ADHFE1: variants seen among roughly 807,000 people sequenced by gnomAD.
The protein encoded by ADHFE1 is hydroxyacid-oxoacid transhydrogenase, mitochondrial.
A neutral mutation model predicts 54.8 loss-of-function variants in ADHFE1; 37 were observed. The ratio of observed to expected loss-of-function variants is 0.68; its 90% CI spans 0.52 to 0.89. The LOEUF (loss-of-function observed/expected upper bound fraction) is 0.89. Ranked by LOEUF, ADHFE1 falls within the 40% of genes least tolerant of loss-of-function variation. ADHFE1 has a pLI of 0.00. For missense variants in ADHFE1, 601 were observed against 591.2 expected (o/e 1.02, Z -0.17); for synonymous variants, 203 against 229.3 (o/e 0.89, Z 1.04).
chr8:66,442,478 T>C (rs2555563), intron 2 of ADHFE1, among the ~76,000 whole-genome samples: 24,894 of 151,662 alleles, frequency 0.16, 2,202 homozygotes, highest in Middle Eastern at 0.2. Flanking sequence ...ACCTGGCTAA[T>C]TTTTTTGTAT....
chr8:66,444,463 C>CA, intron 4 of ADHFE1, 43 bp downstream of exon 4: 1 of 1,609,610 alleles, frequency 6.2e-7, no homozygotes, highest in Non-Finnish European at 8.5e-7. Flanking sequence ...GTAAATGTTA[C>CA]ATATCTCACA....
At chr8:66,450,436 A>G (rs934498877) in intron 8 of ADHFE1, among the ~76,000 whole-genome samples, 1 of 152,238 alleles carries the variant, frequency 6.6e-6, no homozygotes, top group East Asian at 1.9e-4. Flanking sequence ...GAATCTGCCC[A>G]TAAGGCCCAG....
At chr8:66,445,100 C>CAAAA in intron 5 of ADHFE1, 118 bp from the exon 6 acceptor site, 1 of 866,020 alleles carries the variant, frequency 1.2e-6, no homozygotes, top group Non-Finnish European at 1.6e-6. Flanking sequence ...GACTCCGTCT[C>CAAAA]AAAAAAAAAA....
At chr8:66,438,946 G>A (rs1180342963) in intron 1 of ADHFE1, among the ~76,000 whole-genome samples, 7 of 151,900 alleles carry the variant, frequency 4.6e-5, no homozygotes, top group African/African-American at 1.7e-4. Flanking sequence ...TTTGAGTTTG[G>A]ATTTTTTTTT....
At chr8:66,445,830 C>T (rs775846104) in intron 6 of ADHFE1, among the ~76,000 whole-genome samples, 1 of 152,182 alleles carries the variant, frequency 6.6e-6, no homozygotes, top group Non-Finnish European at 1.5e-5. Context: ...CATAATGGCT[C>T]TTCAGCTGAC....
In ADHFE1 at chr8:66,432,530, C is replaced by T. The variant is rs139418895; in HGVS notation, c.14C>T (p.Ala5Val). ...ACTCCAAGCGCCATGGCCGCTGCCGCCCGAGCCCGGGTCGCGTACTTGCTG... is the reference window on the plus strand; with the variant it reads ...ACTCCAAGCGCCATGGCCGCTGCCGTCCGAGCCCGGGTCGCGTACTTGCTG... MAAA[A>V]RARVAYLLRQ... The change falls in exon 1 of 14, where the codon GCC (alanine) becomes GTC (valine). Residue 5 changes from alanine (A) to valine (V), a missense_variant. Ala to Val is a moderately conservative substitution (Grantham distance 64, BLOSUM62 0). Transcript: ENST00000396623. 9.7e-3 allele frequency: 13,227 copies of T among 1,361,876 alleles called. 80 individuals are homozygous for T. The highest frequency in any genetic ancestry group is 0.011 in the Non-Finnish European group (11,002 of 1,046,492). The allele number at this position is 1,361,876 out of a possible 1,614,324, so 84.4% of individuals were successfully genotyped here. A position where few individuals can be genotyped will look rare whatever the true frequency, so the allele number is the denominator to read the frequency against.
chr8:66,466,388 G>A (rs1158420039), intron 13 of ADHFE1, among the ~76,000 whole-genome samples: 1 of 152,046 alleles, frequency 6.6e-6, no homozygotes, highest in Non-Finnish European at 1.5e-5. Context: ...TGCTTCTGGT[G>A]TTACATCCAA....
chr8:66,436,919 G>T (rs2130340117), intron 1 of ADHFE1, among the ~76,000 whole-genome samples: 1 of 152,304 alleles, frequency 6.6e-6, no homozygotes, highest in African/African-American at 2.4e-5. Flanking sequence ...CAGGAAGGAG[G>T]GAGTGAACAG....
chr8:66,467,811 G>A (rs1381137053), intron 13 of ADHFE1, among the ~76,000 whole-genome samples: 2 of 152,196 alleles, frequency 1.3e-5, no homozygotes, highest in Non-Finnish European at 2.9e-5. Context: ...AAAAAACGGA[G>A]TCACTTGTTG....
At chr8:66,462,630 A>G (rs1563495657) in intron 13 of ADHFE1, among the ~76,000 whole-genome samples, 1 of 152,152 alleles carries the variant, frequency 6.6e-6, no homozygotes. Context: ...GGGCCTTCCA[A>G]AAGGTTCTGT....
chr8:66,443,556 G>A (rs547918806), intron 3 of ADHFE1, among the ~76,000 whole-genome samples: 76 of 152,220 alleles, frequency 5.0e-4, no homozygotes, highest in African/African-American at 1.8e-3. Flanking sequence ...AGGATTACAG[G>A]CATAAGCCAC....
chr8:66,436,220 A>G (rs1390031098), intron 1 of ADHFE1, among the ~76,000 whole-genome samples: 1 of 152,118 alleles, frequency 6.6e-6, no homozygotes, highest in Non-Finnish European at 1.5e-5. Context: ...CCCAGCCAGG[A>G]TTCTTAATCA....
intron 5 of ADHFE1, among the ~76,000 whole-genome samples, 191 bp from the exon 6 acceptor site, chr8:66,445,027 A>G (rs1963852): frequency 0.64 from 96,563 of 151,874 alleles, 32,196 homozygotes; most frequent in African/African-American, 0.83. Flanking sequence ...CTTGAACCCA[A>G]GAGACATAGG....
intron 13 of ADHFE1, among the ~76,000 whole-genome samples, chr8:66,464,616 C>T (rs1421169665): frequency 3.3e-5 from 5 of 152,184 alleles, no homozygotes; most frequent in Non-Finnish European, 5.9e-5. Flanking sequence ...TTTACCTCAC[C>T]CATACTCATA....
In ADHFE1 at chr8:66,452,073, C is replaced by A. The variant is rs1388987830; in HGVS notation, c.855C>A (p.His285Gln). 1 of 1,614,198 alleles carries A rather than the reference C, an allele frequency of 6.2e-7. No homozygotes were observed. Among genetic ancestry groups the A allele is most frequent in the Admixed American group, 1.7e-5 (1 of 60,020 alleles). The change falls in exon 9 of 14, where the codon CAC (histidine) becomes CAA (glutamine). Residue 285 changes from histidine to glutamine, a missense_variant. Physicochemically the swap from His to Gln is conservative, Grantham distance 24. Transcript: ENST00000396623. ...CAATCAGTGACATTTGGGCTATCCACGCGCTGCGGATCGTGGCTAAGTATC... is the reference window on the plus strand; with the variant it reads ...CAATCAGTGACATTTGGGCTATCCAAGCGCTGCGGATCGTGGCTAAGTATC... Reference protein sequence around the residue: ...SNPISDIWAIHALRIVAKYLK... With the variant: ...SNPISDIWAIQALRIVAKYLK...
At chr8:66,453,874 A>G in intron 9 of ADHFE1, 185 bp from the exon 10 acceptor site, 1 of 1,495,792 alleles carries the variant, frequency 6.7e-7, no homozygotes, top group East Asian at 2.5e-5. Context: ...ACAGTTGATG[A>G]GAAATATGTT....
chr8:66,448,261 T>C (rs192958229), intron 7 of ADHFE1, among the ~76,000 whole-genome samples: 86 of 152,378 alleles, frequency 5.6e-4, no homozygotes, highest in Admixed American at 2.5e-3. Context: ...CTTTTCTTTT[T>C]AAAATTAAAT....
At chr8:66,433,672 G>C (rs2130316576) in intron 1 of ADHFE1, among the ~76,000 whole-genome samples, 1 of 152,310 alleles carries the variant, frequency 6.6e-6, no homozygotes, top group Admixed American at 6.5e-5. Context: ...GTGTGCTGTA[G>C]ATAATGGAAA....
intron 1 of ADHFE1, among the ~76,000 whole-genome samples, chr8:66,438,567 G>A (rs1187642998): frequency 6.6e-6 from 1 of 152,198 alleles, no homozygotes; most frequent in Non-Finnish European, 1.5e-5. Flanking sequence ...CAGCCAGACA[G>A]CTGGACTTGC....
Sources: allele counts gnomAD v4.1 joint callset (sites outside exome capture counted in the v4.1 genomes callset), GRCh38; gene constraint gnomAD v4.1.1; transcripts MANE v1.5; gene names NCBI Gene and HGNC (gene_info 2026-07-23, HGNC 2026-07-21).